Variants in TEX11 observed in about 807,000 individuals in gnomAD.
TEX11 encodes testis-expressed protein 11.
In TEX11, 7 loss-of-function variants were observed where a neutral mutation model predicts 84.4. The ratio of observed to expected loss-of-function variants is 0.08; its 90% CI spans 0.05 to 0.16. The LOEUF is 0.16. Among genes scored for constraint, TEX11 ranks in the 10% least tolerant of loss-of-function variants. TEX11 has a pLI of 1.00. For missense variants in TEX11, 551 were observed against 660.5 expected, an observed-to-expected ratio of 0.83 and a Z score of 1.82; for synonymous variants, 264 against 222.8, an observed-to-expected ratio of 1.18 and a Z score of -1.64.
chrX:70,516,537 T>A, the TEX11 span, among the ~76,000 whole-genome samples: 3 of 111,950 alleles, frequency 2.7e-5, no homozygotes, highest in Admixed American at 9.5e-5. Context: ...TGTAGTATAG[T>A]TTGAAGTCAG....
chrX:70,643,930 T>C (rs1282747713), intron 17 of TEX11, among the ~76,000 whole-genome samples: 2 of 105,603 alleles, frequency 1.9e-5, no homozygotes, highest in Non-Finnish European at 3.9e-5. Flanking sequence ...TGGGATCTAA[T>C]TAAACTAAAG....
chrX:70,812,266 G>A (rs989624513), intron 8 of TEX11, among the ~76,000 whole-genome samples: 3 of 108,561 alleles, frequency 2.8e-5, no homozygotes, highest in Non-Finnish European at 5.7e-5. Flanking sequence ...TTACAGTGGC[G>A]CACGATCTCC....
intron 12 of TEX11, chrX:70,724,008 G>T: frequency 1.5e-6 from 1 of 671,225 alleles, no homozygotes; most frequent in Non-Finnish European, 1.8e-6. Context: ...GGAGTATCTA[G>T]ATTGAGTTAA....
chrX:70,645,635 C>T (rs1205223593), intron 17 of TEX11, among the ~76,000 whole-genome samples: 2 of 111,505 alleles, frequency 1.8e-5, no homozygotes, highest in Admixed American at 1.9e-4. Context: ...TTTCTACATA[C>T]TAACAACAAA....
intron 2 of TEX11, among the ~76,000 whole-genome samples, chrX:70,894,512 G>C (rs979375387): frequency 9.1e-6 from 1 of 109,951 alleles, no homozygotes; most frequent in Non-Finnish European, 1.9e-5. Flanking sequence ...TGTAGTCCCA[G>C]CTACTCGGGA....
chrX:70,576,756 G>C (rs989990248), intron 25 of TEX11, among the ~76,000 whole-genome samples: 1 of 112,036 alleles, frequency 8.9e-6, no homozygotes, highest in African/African-American at 3.2e-5. Context: ...TATAGTCTAG[G>C]GTATTTGTGT....
intron 16 of TEX11, among the ~76,000 whole-genome samples, chrX:70,670,107 T>C (rs995810588): frequency 8.0e-5 from 9 of 111,826 alleles, no homozygotes; most frequent in African/African-American, 2.9e-4. Flanking sequence ...TGTTCAGGAG[T>C]TCCAATGATA....
rs775667438 is a variant in TEX11 at position 70,670,498 on chromosome X, T to G, written c.1259A>C (p.Asp420Ala). The part of the protein sequence containing the change: ...ASSFEVQNYT[D>A]ALQWYYYSLR... ...AGAATAATAGTACCATTGTAGGGCA[T>G]CAGTGTAATTTTGTACCTAAAGTTT... The change falls in exon 16 of 30, where the codon GAT becomes GCT. Residue 420 changes from aspartate to alanine, a missense_variant. Transcript: ENST00000374333. 5.8e-6 allele frequency: 7 copies of G among 1,200,974 alleles called. No homozygotes were observed. The East Asian group carries it at 9.0e-5, about 15-fold the overall frequency.
rs190920281 is a variant in TEX11 at position 70,547,704 on chromosome X, C to T, written c.2520+4422G>A. ...CACTGGCCATCAGAGAAATGCAAAT[C>T]AAAACCACAATAAGATACCATCTCA... On this transcript the variant is annotated intron_variant, in intron 28 of 29. Coordinates refer to ENST00000374333, the MANE Select transcript of TEX11 (RefSeq NM_031276.3). Among the ~76,000 whole-genome samples the T allele has an allele frequency of 1.4e-3, 156 of 112,081 alleles. 1 individual carries two copies. Among genetic ancestry groups the T allele is most frequent in the Admixed American group, 0.013 (137 of 10,579 alleles).
At chrX:70,892,891 C>G (rs1370017920) in intron 2 of TEX11, among the ~76,000 whole-genome samples, 1 of 110,314 alleles carries the variant, frequency 9.1e-6, no homozygotes, top group South Asian at 3.8e-4. Context: ...AAAAAAAAAG[C>G]AGGGGTTGCA....
At chrX:70,699,470 G>C (rs1419515529) in intron 13 of TEX11, among the ~76,000 whole-genome samples, 1 of 111,689 alleles carries the variant, frequency 9.0e-6, no homozygotes, top group Non-Finnish European at 1.9e-5. Context: ...GGAGACACCC[G>C]CGGCTAGCCG....
intron 3 of TEX11, among the ~76,000 whole-genome samples, chrX:70,875,909 AAAG>A (rs1299684024): frequency 1.5e-4 from 17 of 112,321 alleles, no homozygotes; most frequent in African/African-American, 5.5e-4. Flanking sequence ...ATCTTACCCC[AAAG>A]AAGAACTTCA....
intron 2 of TEX11, among the ~76,000 whole-genome samples, chrX:70,900,556 C>A (rs1293171331): frequency 9.1e-6 from 1 of 109,533 alleles, no homozygotes; most frequent in African/African-American, 3.3e-5. Flanking sequence ...TCTTAAACAA[C>A]TAGAAAAGCA....
intron 25 of TEX11, among the ~76,000 whole-genome samples, chrX:70,570,971 C>T (rs900701749): frequency 1.8e-5 from 2 of 111,297 alleles, no homozygotes; most frequent in Admixed American, 9.6e-5. Context: ...TTGTATTAAT[C>T]TTTCCAAACA....
In TEX11 at chrX:70,624,103, G is replaced by T. The variant is rs751187199; in HGVS notation, c.1695-97C>A. 56 of 577,737 alleles carry T rather than the reference G, an allele frequency of 9.7e-5. 1 individual carries two copies. The African/African-American group carries it at 9.8e-4, about 10-fold the overall frequency. 47.6% of individuals were successfully genotyped at this position (577,737 alleles called of 1,213,427 possible). On this transcript the variant is annotated intron_variant, in intron 19 of 29. Coordinates refer to ENST00000374333, the MANE Select transcript of TEX11 (RefSeq NM_031276.3). ...GTTACTAACCTTGATTACTCTGGGA[G>T]GGAGAAGTGAGAAAAGAGAGGGTAA...
chrX:70,699,147 G>C (rs2147680065), intron 13 of TEX11, among the ~76,000 whole-genome samples: 1 of 111,732 alleles, frequency 8.9e-6, no homozygotes, highest in South Asian at 3.8e-4. Context: ...TGAAGAAAGA[G>C]ACAGAGATGT....
intron 2 of TEX11, among the ~76,000 whole-genome samples, chrX:70,893,091 C>A (rs2091747666): frequency 1.8e-5 from 2 of 111,076 alleles, no homozygotes; most frequent in African/African-American, 3.3e-5. Context: ...GACTCCCACA[C>A]AATAATAGTG....
At chrX:70,744,452 A>T (rs1398799813) in intron 9 of TEX11, among the ~76,000 whole-genome samples, 7 of 108,505 alleles carry the variant, frequency 6.5e-5, no homozygotes, top group Non-Finnish European at 1.3e-4. Flanking sequence ...ATAAATCAAC[A>T]CTACAATTAT....
chrX:70,581,743 C>T (rs1381750458), intron 25 of TEX11, among the ~76,000 whole-genome samples: 2 of 111,787 alleles, frequency 1.8e-5, no homozygotes, highest in Non-Finnish European at 3.8e-5. Flanking sequence ...TGTTAATCTG[C>T]TATAATGTTT....
Sources: allele counts gnomAD v4.1 joint callset (sites outside exome capture counted in the v4.1 genomes callset), GRCh38; gene constraint gnomAD v4.1.1; transcripts MANE v1.5; gene names NCBI Gene and HGNC (gene_info 2026-07-23, HGNC 2026-07-21).